Variants in SPX observed in about 807,000 individuals in gnomAD.
The protein encoded by SPX is spexin hormone.
SPX carries 22 observed loss-of-function variants against 19.2 expected under a neutral mutation model. The observed-to-expected ratio is 1.15, with a 90% CI of 0.82 to 1.64. The LOEUF (loss-of-function observed/expected upper bound fraction) is 1.64. Among genes scored for constraint, SPX ranks in the 40% most tolerant of loss-of-function variants. SPX has a pLI of 0.00. For synonymous variants in SPX, 50 were observed against 53.3 expected (o/e 0.94, Z 0.27); for missense variants, 143 against 137.7 (o/e 1.04, Z -0.19).
At chr12:21,529,366 G>A (rs1419025870) in intron 5 of SPX, among the ~76,000 whole-genome samples, 1 of 152,042 alleles carries the variant, frequency 6.6e-6, no homozygotes, top group African/African-American at 2.4e-5. Flanking sequence ...GATATAGTGG[G>A]AAAAGGGAAG....
intron 5 of SPX, among the ~76,000 whole-genome samples, chr12:21,529,411 G>A (rs573952375): frequency 1.3e-5 from 2 of 152,018 alleles, no homozygotes; most frequent in Non-Finnish European, 2.9e-5. Flanking sequence ...GGAAATGGGG[G>A]GAAATAGTAC....
Position 21,526,931 on chromosome 12 carries a change from T to G in SPX, c.52T>G (p.Phe18Val). 1 of 1,614,214 alleles carries G rather than the reference T, an allele frequency of 6.2e-7. No homozygotes were observed. Reference protein sequence around the residue: ...AATTLALFLVFVFLGNSSCAP... With the variant: ...AATTLALFLVVVFLGNSSCAP... Reference sequence around the variant, plus strand: ...AACAACCTTGGCTCTTTTCCTGGTGTTTGTTTTCCTGGGAAACTCCAGCTG... The same window carrying G: ...AACAACCTTGGCTCTTTTCCTGGTGGTTGTTTTCCTGGGAAACTCCAGCTG... The change falls in exon 2 of 6, where the codon TTT (phenylalanine) becomes GTT (valine). Residue 18 changes from phenylalanine (F) to valine (V), a missense_variant. Physicochemically the swap from Phe to Val is conservative, Grantham distance 50. Transcript: ENST00000256969.
At chr12:21,527,996 GC>G in intron 4 of SPX, 1 of 554,018 alleles carries the variant, frequency 1.8e-6, no homozygotes, top group South Asian at 2.2e-5. Context: ...CTGGGAGCTC[GC>G]GCGTCCAGCC....
At position 21,531,225 on chromosome 12, in the gene SPX, T is replaced by G; in HGVS notation, c.*30T>G. On this transcript the variant is annotated 3_prime_UTR_variant, in exon 6 of 6. Transcript: ENST00000256969. ...ATACTGGATTATGTTTAATTATGGT[T>G]CTATTCTCTTTGAAAACATGAACCA... is the stretch of plus-strand genomic sequence containing the variant. The G allele has an allele frequency of 6.7e-7, 1 of 1,487,480 alleles. No homozygotes were observed. Among genetic ancestry groups the G allele is most frequent in the Non-Finnish European group, 9.2e-7 (1 of 1,088,258 alleles). 92.1% of individuals were successfully genotyped at this position (1,487,480 alleles called of 1,614,324 possible).
intron 5 of SPX, among the ~76,000 whole-genome samples, chr12:21,529,959 A>C (rs549263188): frequency 6.6e-6 from 1 of 152,272 alleles, no homozygotes; most frequent in South Asian, 2.1e-4. Context: ...GTGCAGAGCC[A>C]GAAAGGAAAG....
At chr12:21,526,839 T>A (rs1277358360) in intron 1 of SPX, 47 bp from the exon 2 acceptor site, 2 of 1,542,440 alleles carry the variant, frequency 1.3e-6, no homozygotes, top group Non-Finnish European at 1.8e-6. Context: ...AAGCAGAAGA[T>A]CCTATTGGCA....
Position 21,531,756 on chromosome 12 carries a change from T to C in SPX, c.*561T>C, listed in dbSNP as rs529937293. 3 of 152,368 alleles carry C rather than the reference T, an allele frequency of 2.0e-5. No individual in the cohort carries two copies. In the South Asian group the frequency reaches 6.2e-4, roughly 32 times the overall value. The allele number at this position is 152,368 out of a possible 1,614,324, so 9.4% of individuals were successfully genotyped here. ...TGTGATAGGAACACTTCAGTGTGGT[T>C]GCTGAGAGGAGACAGTCATTGAGGT... On this transcript the variant is annotated 3_prime_UTR_variant, in exon 6 of 6. Transcript: ENST00000256969.
chr12:21,526,449 C>G lies in SPX; in HGVS notation c.-24C>G. ...CTCACAGATAAAGTTATAGTTATTT[C>G]AGGGTTCTGAAAAGACGCAGAACAT... On this transcript the variant is annotated 5_prime_UTR_variant, in exon 1 of 6. Coordinates refer to ENST00000256969, the MANE Select transcript of SPX (RefSeq NM_030572.4). 6.3e-7 allele frequency: 1 copy of G among 1,581,056 alleles called. No homozygotes were observed. Among genetic ancestry groups the G allele is most frequent in the Non-Finnish European group, 8.6e-7 (1 of 1,157,632 alleles).
intron 4 of SPX, among the ~76,000 whole-genome samples, chr12:21,528,312 C>T (rs547939133): frequency 6.6e-6 from 1 of 152,296 alleles, no homozygotes; most frequent in East Asian, 1.9e-4. Context: ...AAAGAACTAT[C>T]AAAGGTTCAA....
At chr12:21,530,376 A>G (rs1943853097) in intron 5 of SPX, among the ~76,000 whole-genome samples, 1 of 152,182 alleles carries the variant, frequency 6.6e-6, no homozygotes, top group Non-Finnish European at 1.5e-5. Flanking sequence ...GCAATGGTTT[A>G]AAGTGTGCTA....
Position 21,531,414 on chromosome 12 carries a change from A to T in SPX, c.*219A>T, listed in dbSNP as rs1943864187. The T allele has an allele frequency of 2.5e-6, 1 of 394,092 alleles. No individual in the cohort carries two copies. Among genetic ancestry groups the T allele is most frequent in the Non-Finnish European group, 4.5e-6 (1 of 222,554 alleles). The allele number at this position is 394,092 out of a possible 1,614,324, so 24.4% of individuals were successfully genotyped here. A position where few individuals can be genotyped will look rare whatever the true frequency, so the allele number is the denominator to read the frequency against. ...TTTAGATGACCAAAAATGTTTTCAG[A>T]TCACCTTGTGTCTTACTCTTGAGTT... is the stretch of plus-strand genomic sequence containing the variant. On this transcript the variant is annotated 3_prime_UTR_variant, in exon 6 of 6. Transcript: ENST00000256969.
At chr12:21,527,996 G>A in intron 4 of SPX, 1 of 554,018 alleles carries the variant, frequency 1.8e-6, no homozygotes, top group Non-Finnish European at 3.2e-6. Context: ...CTGGGAGCTC[G>A]CGCGTCCAGC....
intron 5 of SPX, 107 bp downstream of exon 5, chr12:21,529,191 G>T (rs902275849): frequency 1.9e-6 from 2 of 1,077,258 alleles, no homozygotes; most frequent in Non-Finnish European, 2.8e-6. Flanking sequence ...TTGGCCTTAG[G>T]CCCAGAAATT....
In SPX at chr12:21,532,785, C is replaced by T. The variant is rs1324975486; in HGVS notation, c.*1590C>T. The T allele has an allele frequency of 6.6e-6, 1 of 152,196 alleles. No individual in the cohort carries two copies. The highest frequency in any genetic ancestry group is 2.4e-5 in the African/African-American group (1 of 41,450). The allele number at this position is 152,196 out of a possible 1,614,324, so 9.4% of individuals were successfully genotyped here. A position where few individuals can be genotyped will look rare whatever the true frequency, so the allele number is the denominator to read the frequency against. ...TCTTATGAAATAATTCTTCCTACAA[C>T]TAACCAGAACAATCTCAAAAATGTC... On this transcript the variant is annotated 3_prime_UTR_variant, in exon 6 of 6. Transcript: ENST00000256969.
chr12:21,527,960 C>A, intron 4 of SPX, 171 bp downstream of exon 4: 1 of 669,404 alleles, frequency 1.5e-6, no homozygotes, highest in Non-Finnish European at 2.4e-6. Flanking sequence ...TTGGCAGCAG[C>A]AGCAGCTGGA....
At chr12:21,526,612 G>GA (rs952683720) in intron 1 of SPX, 134 bp downstream of exon 1, 2 of 900,102 alleles carry the variant, frequency 2.2e-6, no homozygotes, top group Admixed American at 5.7e-5. Flanking sequence ...TAGAATAACA[G>GA]AATCATTTGA....
In SPX at chr12:21,532,248, TAATC is replaced by T. The variant is rs1454220747; in HGVS notation, c.*1055_*1058del. 2 of 152,202 alleles carry T rather than the reference TAATC, an allele frequency of 1.3e-5. No homozygotes were observed. The highest frequency in any genetic ancestry group is 4.8e-5 in the African/African-American group (2 of 41,444). 9.4% of individuals were successfully genotyped at this position (152,202 alleles called of 1,614,324 possible). ...ACCATCATGTTAATTATTTTTTACC[TAATC>T]AGAGTTGTTATTGACAAATGTCATA... On this transcript the variant is annotated 3_prime_UTR_variant, in exon 6 of 6. Coordinates refer to ENST00000256969, the MANE Select transcript of SPX (RefSeq NM_030572.4).
chr12:21,530,125 T>C (rs186612605), intron 5 of SPX, among the ~76,000 whole-genome samples: 39 of 152,338 alleles, frequency 2.6e-4, no homozygotes, highest in African/African-American at 9.1e-4. Context: ...AAGTGGATTG[T>C]CTCTGAAGAT....
At chr12:21,530,753 T>A (rs1205573515) in intron 5 of SPX, among the ~76,000 whole-genome samples, 3 of 152,142 alleles carry the variant, frequency 2.0e-5, no homozygotes, top group African/African-American at 7.2e-5. Flanking sequence ...CCGAGCAAGA[T>A]CCATTTTAAC....
Sources: allele counts gnomAD v4.1 joint callset (sites outside exome capture counted in the v4.1 genomes callset), GRCh38; gene constraint gnomAD v4.1.1; transcripts MANE v1.5; gene names NCBI Gene and HGNC (gene_info 2026-07-23, HGNC 2026-07-21).